Variants in ANTXR1 observed in about 807,000 individuals in gnomAD.
ANTXR1 encodes anthrax toxin receptor 1.
A neutral mutation model predicts 78.1 loss-of-function variants in ANTXR1; 19 were observed. The observed-to-expected ratio is 0.24, with a 90% CI of 0.17 to 0.36. ANTXR1 has a LOEUF of 0.36. Among genes scored for constraint, ANTXR1 ranks in the 10% least tolerant of loss-of-function variants. The pLI, the probability that ANTXR1 is intolerant of heterozygous loss-of-function variation, is 1.00. For missense variants in ANTXR1, 518 were observed against 718.6 expected, an observed-to-expected ratio of 0.72 and a Z score of 3.19; for synonymous variants, 273 against 260.5, an observed-to-expected ratio of 1.05 and a Z score of -0.46.
intron 17 of ANTXR1, among the ~76,000 whole-genome samples, chr2:69,217,256 G>C (rs901734216): frequency 6.6e-6 from 1 of 152,192 alleles, no homozygotes; most frequent in Non-Finnish European, 1.5e-5. Flanking sequence ...TAGGGCCTCA[G>C]GGCCTCCCAT....
At chr2:69,124,684 A>G in intron 12 of ANTXR1, 41 bp downstream of exon 12, 1 of 1,599,038 alleles carries the variant, frequency 6.3e-7, no homozygotes, top group Non-Finnish European at 8.6e-7. Context: ...TCTCATTATC[A>G]TTGTCACTAT....
chr2:69,087,123 G>A (rs1030689041), intron 8 of ANTXR1, among the ~76,000 whole-genome samples: 10 of 152,258 alleles, frequency 6.6e-5, no homozygotes, highest in Admixed American at 2.6e-4. Flanking sequence ...TAACTTGTCC[G>A]AGTCCACATG....
intron 10 of ANTXR1, among the ~76,000 whole-genome samples, chr2:69,114,762 A>G (rs1672088249): frequency 1.3e-5 from 2 of 152,222 alleles, no homozygotes; most frequent in African/African-American, 4.8e-5. Flanking sequence ...ATCTACCCCT[A>G]AGAAAACCTG....
intron 10 of ANTXR1, among the ~76,000 whole-genome samples, chr2:69,116,902 C>T (rs187029460): frequency 6.6e-6 from 1 of 152,236 alleles, no homozygotes; most frequent in Admixed American, 6.5e-5. Flanking sequence ...GAATTTCAAC[C>T]CTGGTTTTAT....
intron 12 of ANTXR1, among the ~76,000 whole-genome samples, chr2:69,147,206 A>C (rs1297483888): frequency 1.3e-5 from 2 of 152,230 alleles, no homozygotes. Context: ...TTAGCACCTG[A>C]GTGTCTTCAT....
At chr2:69,235,183 C>T (rs1286733255) in intron 17 of ANTXR1, among the ~76,000 whole-genome samples, 3 of 151,888 alleles carry the variant, frequency 2.0e-5, no homozygotes, top group Non-Finnish European at 4.4e-5. Flanking sequence ...GCCACCACGC[C>T]CAGCTAATTT....
intron 3 of ANTXR1, among the ~76,000 whole-genome samples, chr2:69,055,030 C>T (rs923902594): frequency 6.6e-6 from 1 of 152,028 alleles, no homozygotes; most frequent in African/African-American, 2.4e-5. Context: ...AATGATGACC[C>T]CACTTCACAG....
chr2:69,132,556 G>A (rs1249638127), intron 12 of ANTXR1, among the ~76,000 whole-genome samples: 1 of 152,188 alleles, frequency 6.6e-6, no homozygotes, highest in African/African-American at 2.4e-5. Flanking sequence ...TGTGCTGAGT[G>A]GCAATCTCAC....
chr2:69,108,583 C>CCCATTAGTTATTTTT (rs1403842421), intron 10 of ANTXR1, among the ~76,000 whole-genome samples: 56 of 152,204 alleles, frequency 3.7e-4, no homozygotes, highest in African/African-American at 1.3e-3. Context: ...AAGCCTAGTA[C>CCCATTAGTTATTTTT]CCATTAGTTA....
At chr2:69,150,751 G>A (rs893403173) in intron 12 of ANTXR1, among the ~76,000 whole-genome samples, 1 of 151,942 alleles carries the variant, frequency 6.6e-6, no homozygotes, top group Admixed American at 6.6e-5. Context: ...GGGCAGAATG[G>A]CTCACACCTA....
chr2:69,235,647 G>A (rs1183627902), intron 17 of ANTXR1, among the ~76,000 whole-genome samples: 16 of 95,210 alleles, frequency 1.7e-4, no homozygotes, highest in African/African-American at 5.0e-4. Flanking sequence ...GTGAAACCCC[G>A]TCTCAAAAAA....
chr2:69,038,503 G>A (rs1558737774), intron 1 of ANTXR1, among the ~76,000 whole-genome samples: 1 of 152,178 alleles, frequency 6.6e-6, no homozygotes, highest in Non-Finnish European at 1.5e-5. Context: ...TAGACAATCT[G>A]TGTTGTTCAA....
intron 13 of ANTXR1, among the ~76,000 whole-genome samples, chr2:69,153,791 T>C (rs986357669): frequency 2.6e-5 from 4 of 152,172 alleles, no homozygotes; most frequent in African/African-American, 9.7e-5. Flanking sequence ...GTTCCTTTGA[T>C]TATTTACAGT....
chr2:69,024,266 G>T (rs1166857795), intron 1 of ANTXR1, among the ~76,000 whole-genome samples: 1 of 152,184 alleles, frequency 6.6e-6, no homozygotes, highest in African/African-American at 2.4e-5. Flanking sequence ...GAGATGTTGA[G>T]TAGGCAGTTG....
At chr2:69,108,798 C>T (rs753215471) in intron 10 of ANTXR1, among the ~76,000 whole-genome samples, 2 of 152,168 alleles carry the variant, frequency 1.3e-5, no homozygotes, top group Admixed American at 6.6e-5. Context: ...GACATGATCT[C>T]GTTCTTTTCT....
intron 3 of ANTXR1, among the ~76,000 whole-genome samples, chr2:69,068,848 G>C (rs1160464155): frequency 2.0e-5 from 3 of 152,218 alleles, no homozygotes; most frequent in Non-Finnish European, 4.4e-5. Flanking sequence ...TGGGACAGTG[G>C]TGTTGGCTGA....
Position 69,181,768 on chromosome 2 carries a change from G to A in ANTXR1, c.1090-18G>A, listed in dbSNP as rs780832761. On this transcript the variant is annotated intron_variant, in intron 14 of 17. Coordinates refer to ENST00000303714, the MANE Select transcript of ANTXR1 (RefSeq NM_032208.3). ...CAGTGCTGTTTTGCTTCCTTCATGT[G>A]CCACAATTTCTCTGCAGGAAGAAGA... 3 of 1,613,322 alleles carry A rather than the reference G, an allele frequency of 1.9e-6. No individual in the cohort carries two copies. The highest frequency in any genetic ancestry group is 1.1e-5 in the South Asian group (1 of 91,034).
At chr2:69,235,824 A>G (rs1288443654) in intron 17 of ANTXR1, among the ~76,000 whole-genome samples, 1 of 151,830 alleles carries the variant, frequency 6.6e-6, no homozygotes, top group Non-Finnish European at 1.5e-5. Context: ...GTCTGCTCTC[A>G]TACTGCTATA....
chr2:69,138,631 C>T (rs1015876334), intron 12 of ANTXR1, among the ~76,000 whole-genome samples: 3 of 152,110 alleles, frequency 2.0e-5, no homozygotes, highest in Non-Finnish European at 4.4e-5. Context: ...TATTTCTCCT[C>T]GAAAGAAGAG....
Sources: allele counts gnomAD v4.1 joint callset (sites outside exome capture counted in the v4.1 genomes callset), GRCh38; gene constraint gnomAD v4.1.1; transcripts MANE v1.5; gene names NCBI Gene and HGNC (gene_info 2026-07-23, HGNC 2026-07-21).